The following FAAH2 variants were observed in gnomAD, a reference collection of about 807,000 sequenced individuals.
FAAH2 encodes the protein fatty acid amide hydrolase 2, also known as fatty-acid amide hydrolase 2.
Under a neutral mutation model 36.9 loss-of-function variants are expected in FAAH2, and 60 were observed. The ratio of observed to expected loss-of-function variants is 1.63; its 90% CI spans 1.32 to 2.02. The LOEUF is 2.02. Among genes scored for constraint, FAAH2 ranks in the 30% most tolerant of loss-of-function variants. The pLI is 0.00. For missense variants in FAAH2, 689 were observed against 397.5 expected, an observed-to-expected ratio of 1.73 and a Z score of -6.23; for synonymous variants, 214 against 143.8, an observed-to-expected ratio of 1.49 and a Z score of -3.49.
intron 10 of FAAH2, chrX:57,452,437 G>A (rs1231645395): frequency 3.9e-6 from 2 of 511,725 alleles, no homozygotes; most frequent in Non-Finnish European, 4.8e-6. Context: ...TAAACAGAGT[G>A]GGCTTGGTCA....
intron 7 of FAAH2, among the ~76,000 whole-genome samples, chrX:57,420,151 A>T (rs190766020): frequency 0.019 from 2,130 of 111,049 alleles, 25 homozygotes; most frequent in Non-Finnish European, 0.03. Flanking sequence ...GTCAGGTAGC[A>T]TGATGCCTCC....
chrX:57,271,281 T>A, the FAAH2 span, among the ~76,000 whole-genome samples: 3 of 112,618 alleles, frequency 2.7e-5, no homozygotes, highest in African/African-American at 9.7e-5. Context: ...ACTGCCAGAT[T>A]TCTCCTCTCT....
the FAAH2 span, among the ~76,000 whole-genome samples, chrX:57,178,517 A>G: frequency 9.0e-6 from 1 of 110,731 alleles, no homozygotes; most frequent in South Asian, 3.9e-4. Context: ...GAGCTCCCCA[A>G]AGTCCCTGTG....
At chrX:57,310,836 C>T in intron 3 of FAAH2, 107 bp downstream of exon 3, 1 of 827,202 alleles carries the variant, frequency 1.2e-6, no homozygotes, top group Non-Finnish European at 1.7e-6. Context: ...CAAACTCATG[C>T]TGCTTCCTCA....
intron 8 of FAAH2, among the ~76,000 whole-genome samples, chrX:57,441,389 A>G (rs766788582): frequency 1.8e-5 from 2 of 111,387 alleles, no homozygotes; most frequent in African/African-American, 6.5e-5. Context: ...TTTTTTGTGT[A>G]GAAGTGTTTA....
the FAAH2 span, among the ~76,000 whole-genome samples, chrX:57,183,373 AAATC>A: frequency 0.33 from 36,182 of 109,562 alleles, 5,011 homozygotes; most frequent in Middle Eastern, 0.6. Context: ...TACACTAGAA[AAATC>A]AATCAAATCA....
At chrX:57,247,034 A>C in the FAAH2 span, among the ~76,000 whole-genome samples, 1 of 111,887 alleles carries the variant, frequency 8.9e-6, no homozygotes, top group African/African-American at 3.2e-5. Flanking sequence ...ATATTTTATA[A>C]AATATTATTT....
chrX:57,327,087 C>T (rs1418747859), intron 3 of FAAH2, among the ~76,000 whole-genome samples: 1 of 108,597 alleles, frequency 9.2e-6, no homozygotes, highest in African/African-American at 3.4e-5. Context: ...TTTATTTCTC[C>T]TGCACTTATG....
the FAAH2 span, among the ~76,000 whole-genome samples, chrX:57,272,200 G>GA: frequency 7.1e-3 from 692 of 97,773 alleles, 6 homozygotes; most frequent in East Asian, 0.022. Flanking sequence ...CAAGATCAGA[G>GA]AAAAAAAAAA....
At chrX:57,349,115 T>C (rs1330111993) in intron 5 of FAAH2, among the ~76,000 whole-genome samples, 1 of 95,795 alleles carries the variant, frequency 1.0e-5, no homozygotes, top group African/African-American at 3.7e-5. Context: ...TGTATATGTG[T>C]ATAATATATA....
the FAAH2 span, among the ~76,000 whole-genome samples, chrX:57,271,934 G>A: frequency 1.8e-5 from 2 of 110,586 alleles, no homozygotes; most frequent in Admixed American, 9.7e-5. Context: ...GCCTTCAGAA[G>A]GTGGGTAATA....
Position 57,347,568 on chromosome X carries a change from G to A in FAAH2, c.742+6178G>A, listed in dbSNP as rs755205497. Among the ~76,000 whole-genome samples, 38 of 102,732 alleles carry A rather than the reference G, an allele frequency of 3.7e-4. No individual in the cohort carries two copies. The East Asian group carries it at 0.011, about 30-fold the overall frequency. The allele number at this position is 102,732 out of a possible 115,157, so 89.2% of individuals were successfully genotyped here. A position where few individuals can be genotyped will look rare whatever the true frequency, so the allele number is the denominator to read the frequency against. ...TAATGAGTTCCATATCTGTCAAAAA[G>A]GCTAGTTTGTTTATTTGGAGGTAAG... On this transcript the variant is annotated intron_variant, in intron 5 of 10. Coordinates refer to ENST00000374900, the MANE Select transcript of FAAH2 (RefSeq NM_174912.4).
At chrX:57,238,499 G>A in the FAAH2 span, among the ~76,000 whole-genome samples, 2 of 111,131 alleles carry the variant, frequency 1.8e-5, no homozygotes, top group Non-Finnish European at 3.8e-5. Context: ...GGAGGAGGGG[G>A]AGAGGATCAG....
the FAAH2 span, among the ~76,000 whole-genome samples, chrX:57,254,411 G>A: frequency 9.0e-6 from 1 of 111,679 alleles, no homozygotes; most frequent in African/African-American, 3.3e-5. Context: ...ACTCAACTCT[G>A]GATCAAGTGA....
At chrX:57,237,490 G>A in the FAAH2 span, among the ~76,000 whole-genome samples, 2 of 110,794 alleles carry the variant, frequency 1.8e-5, no homozygotes, top group South Asian at 3.8e-4. Context: ...TGTACTAGAA[G>A]TATTTGTAAT....
chrX:57,405,728 ATTCT>A (rs1387554296), intron 7 of FAAH2, among the ~76,000 whole-genome samples: 4 of 99,854 alleles, frequency 4.0e-5, no homozygotes, highest in Non-Finnish European at 8.1e-5. Flanking sequence ...AAGCTCTGAA[ATTCT>A]TTCTTCTGCT....
chrX:57,294,509 C>T (rs1016305083), intron 2 of FAAH2, among the ~76,000 whole-genome samples: 2 of 111,731 alleles, frequency 1.8e-5, no homozygotes, highest in South Asian at 7.5e-4. Flanking sequence ...CCTTCTTTTC[C>T]CAAATCTATC....
chrX:57,448,836 GC>G, intron 10 of FAAH2, 118 bp downstream of exon 10: 1 of 691,556 alleles, frequency 1.4e-6, no homozygotes. Flanking sequence ...GTATAAAAGT[GC>G]TGTGTGATTG....
the FAAH2 span, among the ~76,000 whole-genome samples, chrX:57,206,143 C>T: frequency 1.8e-5 from 2 of 111,713 alleles, no homozygotes; most frequent in African/African-American, 3.3e-5. Flanking sequence ...TGCAGCTCTG[C>T]CTCAGCTTCT....
Sources: allele counts gnomAD v4.1 joint callset (sites outside exome capture counted in the v4.1 genomes callset), GRCh38; gene constraint gnomAD v4.1.1; transcripts MANE v1.5; gene names NCBI Gene and HGNC (gene_info 2026-07-23, HGNC 2026-07-21).